Variants in LACTBL1 observed in about 807,000 individuals in gnomAD.
LACTBL1 encodes lactamase beta like 1.
LACTBL1 carries 29 observed loss-of-function variants against 39.6 expected under a neutral mutation model. The ratio of observed to expected loss-of-function variants is 0.73; its 90% CI spans 0.55 to 1.00. The LOEUF (loss-of-function observed/expected upper bound fraction) is 1.00, where lower values mean the gene tolerates loss of function less well. Among genes scored for constraint, LACTBL1 ranks in the 50% least tolerant of loss-of-function variants. The pLI is 0.00. For missense variants in LACTBL1, 711 were observed against 748.5 expected, an observed-to-expected ratio of 0.95 and a Z score of 0.59; for synonymous variants, 361 against 360.7, an observed-to-expected ratio of 1.00 and a Z score of -0.01.
the LACTBL1 span, chr1:22,972,856 AG>A: frequency 2.0e-6 from 2 of 984,924 alleles, no homozygotes; most frequent in African/African-American, 3.5e-5. Flanking sequence ...TGTGTTCCAG[AG>A]GACAGGAATG....
At chr1:22,959,470 G>A (rs1403019691) in intron 3 of LACTBL1, among the ~76,000 whole-genome samples, 1 of 152,230 alleles carries the variant, frequency 6.6e-6, no homozygotes. Flanking sequence ...GAACAAATGT[G>A]TTCACTCTGC....
chr1:22,953,462 C>A, exon 6 of LACTBL1: 1 of 1,227,484 alleles, frequency 8.1e-7, no homozygotes, highest in South Asian at 4.1e-5. Flanking sequence ...CGCTCCAGGG[C>A]GGGCAGGAGC....
At chr1:22,956,474 A>T (rs1239641907) in intron 4 of LACTBL1, among the ~76,000 whole-genome samples, 2 of 152,160 alleles carry the variant, frequency 1.3e-5, no homozygotes, top group Non-Finnish European at 2.9e-5. Flanking sequence ...TCAGGCCTGA[A>T]CACACTTTGT....
At chr1:22,966,141 G>A (rs538078283), upstream of LACTBL1, among the ~76,000 whole-genome samples, 1 of 152,312 alleles carries the variant, frequency 6.6e-6, no homozygotes, top group Non-Finnish European at 1.5e-5. Context: ...GTACCTACTT[G>A]TATTCAGTTG....
chr1:22,959,731 T>C (rs11577583), intron 3 of LACTBL1, among the ~76,000 whole-genome samples: 76,494 of 152,106 alleles, frequency 0.5, 23,174 homozygotes, highest in Non-Finnish European at 0.68. Context: ...CTTCCTGACC[T>C]TTTACCCCTG....
chr1:22,957,525 G>A lies in LACTBL1; in HGVS notation c.553+1160C>T, dbSNP rs929228055. On this transcript the variant is annotated intron_variant, in intron 4 of 5. Coordinates refer to ENST00000426928, the Ensembl canonical transcript of LACTBL1. ...TACCACAACCTCAGCAACTCAGGGC[G>A]TCATCATGTTCATCTTTGCCAATCT... is the stretch of plus-strand genomic sequence containing the variant. Among the ~76,000 whole-genome samples the A allele has an allele frequency of 1.9e-4, 29 of 151,760 alleles. 1 individual carries two copies. Among genetic ancestry groups the A allele is most frequent in the South Asian group, 1.0e-3 (5 of 4,808 alleles).
upstream of LACTBL1, among the ~76,000 whole-genome samples, chr1:22,967,259 C>T (rs1370366521): frequency 6.6e-6 from 1 of 152,116 alleles, no homozygotes; most frequent in Non-Finnish European, 1.5e-5. Flanking sequence ...ATCCCAGCTA[C>T]TCAAGAGGCT....
the LACTBL1 span, among the ~76,000 whole-genome samples, chr1:22,971,223 C>G: frequency 1.3e-5 from 2 of 152,052 alleles, no homozygotes; most frequent in Non-Finnish European, 2.9e-5. Flanking sequence ...CACCACCCCC[C>G]TCCTCCTCAA....
At chr1:22,953,982 G>A (rs1358441794) in exon 6 of LACTBL1, 1 of 1,547,860 alleles carries the variant, frequency 6.5e-7, no homozygotes, top group Non-Finnish European at 8.7e-7. Flanking sequence ...GAGCTGCCAG[G>A]ACGTGGGCCA....
At chr1:22,953,520 T>G (rs1275207205) in exon 6 of LACTBL1, 2 of 1,235,490 alleles carry the variant, frequency 1.6e-6, no homozygotes, top group Non-Finnish European at 2.0e-6. Flanking sequence ...GCCGTGGCCC[T>G]GCCAGCAGCA....
intron 2 of LACTBL1, among the ~76,000 whole-genome samples, chr1:22,962,678 G>T (rs949263036): frequency 6.6e-6 from 1 of 152,040 alleles, no homozygotes; most frequent in Non-Finnish European, 1.5e-5. Context: ...TCCACGTGCT[G>T]TTCCATCTGT....
intron 3 of LACTBL1, 83 bp from the exon 6 acceptor site, chr1:22,959,003 T>G (rs1412262222): frequency 3.4e-6 from 3 of 876,398 alleles, no homozygotes; most frequent in Non-Finnish European, 5.3e-6. Flanking sequence ...CTGCAACTTT[T>G]TAGTGTTCTA....
Position 22,953,240 on chromosome 1 carries a change from GGAAGACGCGGC to G in LACTBL1, c.1433_1443del (p.Gly478AlafsTer?). 7 of 1,231,810 alleles carry G rather than the reference GGAAGACGCGGC, an allele frequency of 5.7e-6. No individual in the cohort carries two copies. The highest frequency in any genetic ancestry group is 7.1e-6 in the Non-Finnish European group (7 of 987,694). The allele number at this position is 1,231,810 out of a possible 1,614,324, so 76.3% of individuals were successfully genotyped here. ...GGGAACTCGTGGGCCACGTGCAGCT[GGAAGACGCGGC>G]CGTGCAGGTGGCGCAGCGCCAGGGT... is the stretch of plus-strand genomic sequence containing the variant. On this transcript the variant is annotated frameshift_variant, in exon 6 of 6. Coordinates refer to ENST00000426928, the Ensembl canonical transcript of LACTBL1. LOFTEE classifies it high-confidence loss of function.
chr1:22,970,779 C>T, the LACTBL1 span, among the ~76,000 whole-genome samples: 1 of 146,114 alleles, frequency 6.8e-6, no homozygotes, highest in African/African-American at 2.5e-5. Flanking sequence ...CACTGCACTC[C>T]AGCCTGGGCA....
At chr1:22,967,642 T>TAG (rs937153239), upstream of LACTBL1, among the ~76,000 whole-genome samples, 6 of 151,854 alleles carry the variant, frequency 4.0e-5, no homozygotes, top group South Asian at 2.1e-4. Flanking sequence ...TACATATATA[T>TAG]ATAGAGAGAG....
upstream of LACTBL1, among the ~76,000 whole-genome samples, chr1:22,968,540 C>T (rs1640907300): frequency 6.6e-6 from 1 of 152,162 alleles, no homozygotes; most frequent in Non-Finnish European, 1.5e-5. Context: ...ACTGTTCTCC[C>T]TTGCCTGGTC....
At chr1:22,961,646 G>A (rs368528301) in intron 2 of LACTBL1, among the ~76,000 whole-genome samples, 20 of 151,974 alleles carry the variant, frequency 1.3e-4, no homozygotes, top group African/African-American at 4.3e-4. Context: ...TTATAGGCAC[G>A]AGCCACCGCA....
upstream of LACTBL1, among the ~76,000 whole-genome samples, chr1:22,967,512 A>C (rs984873682): frequency 2.6e-5 from 4 of 152,046 alleles, no homozygotes; most frequent in East Asian, 1.9e-4. Context: ...GCACCACTAC[A>C]TGCCAGCCTG....
In LACTBL1 at chr1:22,959,966, GC is replaced by G; in HGVS notation, c.292del (p.Ala98ProfsTer34). ...CCTGTACATGGTGTACTCATTGGGG[GC>G]CCCAGAAGCCGGGTCTGAGCCATTC... On this transcript the variant is annotated frameshift_variant, in exon 3 of 6. Transcript: ENST00000426928. LOFTEE classifies it high-confidence loss of function. 6.4e-7 allele frequency: 1 copy of G among 1,551,102 alleles called. No individual in the cohort carries two copies. The highest frequency in any genetic ancestry group is 2.4e-5 in the East Asian group (1 of 40,912).
Sources: gnomAD v4.1 joint callset for allele counts (sites outside exome capture counted in the v4.1 genomes callset) on GRCh38, gnomAD v4.1.1 for gene constraint, MANE v1.5 for transcripts, NCBI Gene and HGNC (gene_info 2026-07-23, HGNC 2026-07-21) for gene names.